Variants in RXRA observed in about 807,000 individuals in gnomAD.
The protein encoded by RXRA is retinoic acid receptor RXR-alpha.
Under a neutral mutation model 44.5 loss-of-function variants are expected in RXRA, and 5 were observed. That is an observed-to-expected ratio of 0.11 (90% CI 0.06 to 0.24). The LOEUF (loss-of-function observed/expected upper bound fraction) is 0.24, where lower values mean the gene tolerates loss of function less well. RXRA is among the 10% of genes least tolerant of loss of function. RXRA has a pLI of 1.00. For missense variants in RXRA, 412 were observed against 646.5 expected, an observed-to-expected ratio of 0.64 and a Z score of 3.93; for synonymous variants, 291 against 271.4, an observed-to-expected ratio of 1.07 and a Z score of -0.71.
chr9:134,341,994 C>G (rs1554748150), intron 1 of RXRA, among the ~76,000 whole-genome samples: 1 of 152,172 alleles, frequency 6.6e-6, no homozygotes, highest in Non-Finnish European at 1.5e-5. Flanking sequence ...TCTGTGAAGC[C>G]CAACCCTGGG....
At chr9:134,351,004 T>G (rs1830215378) in intron 1 of RXRA, among the ~76,000 whole-genome samples, 1 of 152,218 alleles carries the variant, frequency 6.6e-6, no homozygotes, top group Admixed American at 6.5e-5. Flanking sequence ...CTCACCTGCC[T>G]AAGTGTCCTT....
intron 2 of RXRA, chr9:134,402,111 C>A (rs1009623886): frequency 2.0e-5 from 11 of 550,554 alleles, no homozygotes; most frequent in Non-Finnish European, 3.2e-5. Context: ...AGGTGACTTG[C>A]AGCTGGTTAT....
At chr9:134,434,454 TC>T (rs1397405665) in intron 9 of RXRA, among the ~76,000 whole-genome samples, 1 of 152,070 alleles carries the variant, frequency 6.6e-6, no homozygotes, top group Admixed American at 6.5e-5. Flanking sequence ...AGTAGGTGCT[TC>T]TCTTTGTTCA....
chr9:134,350,915 G>A (rs1380305979), intron 1 of RXRA, among the ~76,000 whole-genome samples: 1 of 152,212 alleles, frequency 6.6e-6, no homozygotes, highest in Non-Finnish European at 1.5e-5. Flanking sequence ...TCAGCACCTC[G>A]GCTGTGTGAT....
At chr9:134,348,761 C>G (rs1234961489) in intron 1 of RXRA, among the ~76,000 whole-genome samples, 3 of 152,356 alleles carry the variant, frequency 2.0e-5, no homozygotes, top group Non-Finnish European at 4.4e-5. Context: ...TGTGCTGCCT[C>G]AGGCACAATG....
intron 1 of RXRA, among the ~76,000 whole-genome samples, chr9:134,364,747 T>C (rs1830393411): frequency 6.6e-6 from 1 of 152,142 alleles, no homozygotes; most frequent in Non-Finnish European, 1.5e-5. Flanking sequence ...TCTGGGAGAT[T>C]GGAGACCCCC....
chr9:134,370,713 T>C (rs2119080236), intron 1 of RXRA, among the ~76,000 whole-genome samples: 1 of 152,196 alleles, frequency 6.6e-6, no homozygotes, highest in African/African-American at 2.4e-5. Flanking sequence ...GCCAGGGAGA[T>C]CTGGACAGCA....
chr9:134,340,318 A>G (rs1554747972), intron 1 of RXRA, among the ~76,000 whole-genome samples: 1 of 152,112 alleles, frequency 6.6e-6, no homozygotes, highest in African/African-American at 2.4e-5. Context: ...CTGCAGGCAG[A>G]TATATGTTCT....
At chr9:134,396,548 G>C (rs1830882389) in intron 1 of RXRA, among the ~76,000 whole-genome samples, 1 of 152,104 alleles carries the variant, frequency 6.6e-6, no homozygotes, top group Non-Finnish European at 1.5e-5. Context: ...TAGGGTTGCA[G>C]GGACGTTGCA....
rs1236038894 is a variant in RXRA, at chr9:134,349,577, G to T, written c.28+22918G>T. On this transcript the variant is annotated intron_variant, in intron 1 of 9. Transcript: ENST00000481739. This position sits in a 1 kb window ranked among gnomAD's most constrained non-coding sequence, Gnocchi z 4.3. ...GGACCCAGCAACTTGGCGAGCATGG[G>T]CCAGACAGGGGCAGGGTTCTCAGGT... Among the ~76,000 whole-genome samples the T allele has an allele frequency of 1.3e-5, 2 of 152,210 alleles. No homozygotes were observed. Among genetic ancestry groups the T allele is most frequent in the Non-Finnish European group, 2.9e-5 (2 of 68,028 alleles).
In RXRA at chr9:134,411,093, C is replaced by T. The variant is rs11789076; in HGVS notation, c.610+1974C>T. ...GGTGTCGGCACCACAGGCCTGGCTG[C>T]AGGGAGCAGTGTCCGTGAAGTCTGA... On this transcript the variant is annotated intron_variant, in intron 4 of 9. Coordinates refer to ENST00000481739, the MANE Select transcript of RXRA (RefSeq NM_002957.6). Among the ~76,000 whole-genome samples, 752 of 152,304 alleles carry T rather than the reference C, an allele frequency of 4.9e-3. 4 individuals are homozygous for T. The highest frequency in any genetic ancestry group is 0.027 in the Middle Eastern group (8 of 294).
intron 1 of RXRA, among the ~76,000 whole-genome samples, chr9:134,373,623 C>T (rs915168524): frequency 6.6e-6 from 1 of 152,202 alleles, no homozygotes; most frequent in African/African-American, 2.4e-5. Flanking sequence ...CCCAGCTATC[C>T]ACAGAGAGGC....
Position 134,349,455 on chromosome 9 carries a change from C to T in RXRA, c.28+22796C>T, listed in dbSNP as rs1830194685. ...GGTCGGGGAAGAGAAGAGGCTGGCT[C>T]AGGTGGGCTGGGGTCTTCAGCTGCC... On this transcript the variant is annotated intron_variant, in intron 1 of 9. Transcript: ENST00000481739. This position sits in a 1 kb window ranked among gnomAD's most constrained non-coding sequence, Gnocchi z 4.3. Among the ~76,000 whole-genome samples the T allele has an allele frequency of 1.3e-5, 2 of 152,154 alleles. No individual in the cohort carries two copies. The highest frequency in any genetic ancestry group is 4.8e-5 in the African/African-American group (2 of 41,436).
At chr9:134,355,171 G>T (rs1554749928) in intron 1 of RXRA, among the ~76,000 whole-genome samples, 1 of 152,238 alleles carries the variant, frequency 6.6e-6, no homozygotes, top group East Asian at 1.9e-4. Context: ...ATCTCTGCTG[G>T]CGTTTGTCCT....
chr9:134,357,798 T>C (rs1463373874), intron 1 of RXRA, among the ~76,000 whole-genome samples: 1 of 152,260 alleles, frequency 6.6e-6, no homozygotes, highest in African/African-American at 2.4e-5. Flanking sequence ...TAGAAAATTA[T>C]GTGTAAATCA....
intron 6 of RXRA, chr9:134,422,644 A>G (rs1437985764): frequency 2.0e-6 from 2 of 977,660 alleles, no homozygotes; most frequent in African/African-American, 3.6e-5. Context: ...CTCTCCCCGG[A>G]CACTCCCCAC....
intron 1 of RXRA, among the ~76,000 whole-genome samples, chr9:134,397,607 T>C (rs1830898760): frequency 6.6e-6 from 1 of 152,234 alleles, no homozygotes; most frequent in Non-Finnish European, 1.5e-5. Flanking sequence ...AGGGCCTGCT[T>C]TCTGCTCTTC....
At chr9:134,419,122 C>A (rs1481594037) in intron 5 of RXRA, among the ~76,000 whole-genome samples, 1 of 152,218 alleles carries the variant, frequency 6.6e-6, no homozygotes, top group African/African-American at 2.4e-5. Flanking sequence ...CCTTGAGTGA[C>A]AGGCACAGAC....
chr9:134,414,281 G>T (rs942187262), intron 4 of RXRA, among the ~76,000 whole-genome samples: 1 of 152,248 alleles, frequency 6.6e-6, no homozygotes, highest in Non-Finnish European at 1.5e-5. Flanking sequence ...TGGCAGCAAG[G>T]CCCCTCGCTC....
Sources: allele counts gnomAD v4.1 joint callset (sites outside exome capture counted in the v4.1 genomes callset), GRCh38; gene constraint gnomAD v4.1.1; non-coding constraint Gnocchi (gnomAD v3.1); transcripts MANE v1.5; gene names NCBI Gene and HGNC (gene_info 2026-07-23, HGNC 2026-07-21).